The following ERI1 variants were observed in gnomAD, a reference collection of about 807,000 sequenced individuals.
The protein encoded by ERI1 is exoribonuclease 1, also known as 3'-5' exoribonuclease 1.
In ERI1, 39 loss-of-function variants were observed where a neutral mutation model predicts 39.7. The ratio of observed to expected loss-of-function variants is 0.98; its 90% CI spans 0.76 to 1.28. The LOEUF is 1.28. ERI1 is among the 50% of genes most tolerant of loss of function. The probability of loss-of-function intolerance (pLI) is 0.00; values close to 1 mark genes in which losing one functional copy is unlikely to be tolerated. For synonymous variants in ERI1, 204 were observed against 149.6 expected, an observed-to-expected ratio of 1.36 and a Z score of -2.65; for missense variants, 581 against 416.9, an observed-to-expected ratio of 1.39 and a Z score of -3.43.
intron 3 of ERI1, among the ~76,000 whole-genome samples, chr8:9,079,313 G>C (rs536043267): frequency 6.6e-6 from 1 of 152,312 alleles, no homozygotes; most frequent in East Asian, 1.9e-4. Flanking sequence ...AGAGCTTTGA[G>C]TTCCTGTGAG....
At chr8:9,018,071 G>A (rs1037680106) in intron 4 of ERI1, among the ~76,000 whole-genome samples, 1 of 152,134 alleles carries the variant, frequency 6.6e-6, no homozygotes, top group African/African-American at 2.4e-5. Flanking sequence ...CTTAATTTTG[G>A]GAGGATTATA....
intron 3 of ERI1, among the ~76,000 whole-genome samples, chr8:9,090,129 T>A: frequency 6.6e-6 from 1 of 151,990 alleles, no homozygotes; most frequent in East Asian, 1.9e-4. Context: ...GTAATGAAAA[T>A]CCCACCTTCT....
At chr8:9,081,958 T>G (rs1799386332) in intron 3 of ERI1, among the ~76,000 whole-genome samples, 1 of 152,170 alleles carries the variant, frequency 6.6e-6, no homozygotes, top group African/African-American at 2.4e-5. Flanking sequence ...CAAAAGTTGT[T>G]CTCTCTGTAT....
At chr8:9,061,597 G>A (rs998682646) in intron 3 of ERI1, among the ~76,000 whole-genome samples, 10 of 152,228 alleles carry the variant, frequency 6.6e-5, no homozygotes, top group African/African-American at 2.4e-4. Flanking sequence ...ACACAGTGCT[G>A]TCCCAGCTCT....
chr8:9,046,446 C>T (rs1168170349), intron 3 of ERI1, among the ~76,000 whole-genome samples: 1 of 152,234 alleles, frequency 6.6e-6, no homozygotes, highest in Non-Finnish European at 1.5e-5. Flanking sequence ...ACACTCCTCT[C>T]CTTGCTTCCA....
intron 1 of ERI1, among the ~76,000 whole-genome samples, chr8:9,005,009 C>A (rs1250663335): frequency 6.6e-6 from 1 of 152,108 alleles, no homozygotes; most frequent in Non-Finnish European, 1.5e-5. Context: ...GTTTTTCAAT[C>A]TGGGCCAAAG....
chr8:9,086,826 C>G (rs568026388), intron 3 of ERI1, among the ~76,000 whole-genome samples: 1 of 152,174 alleles, frequency 6.6e-6, no homozygotes, highest in Non-Finnish European at 1.5e-5. Context: ...ATACTGTTGA[C>G]TGAGCAAGAG....
intron 6 of ERI1, among the ~76,000 whole-genome samples, chr8:9,025,229 C>G (rs1334738927): frequency 6.6e-6 from 1 of 152,174 alleles, no homozygotes. Context: ...ATGTGGCACT[C>G]AGACTTGAGA....
chr8:9,011,636 G>T lies in ERI1; in HGVS notation c.382G>T (p.Asp128Tyr). ...GAGCAATTTTGCTGACAGTTATTAT[G>T]ACTACATTTGTATTATTGACTTTGA... ...KESNFADSYY[D>Y]YICIIDFEAT... Residue 128 changes from aspartate to tyrosine, a missense_variant, in exon 3 of 7, where the codon GAC (aspartate) becomes TAC (tyrosine). Physicochemically the swap from Asp to Tyr is radical, Grantham distance 160 (BLOSUM62 -3). Transcript: ENST00000250263. 1 of 1,613,528 alleles carries T rather than the reference G, an allele frequency of 6.2e-7. No homozygotes were observed. The highest frequency in any genetic ancestry group is 2.2e-5 in the East Asian group (1 of 44,846).
intron 3 of ERI1, among the ~76,000 whole-genome samples, chr8:9,059,454 G>C (rs949717141): frequency 6.6e-6 from 1 of 152,138 alleles, no homozygotes; most frequent in African/African-American, 2.4e-5. Flanking sequence ...GGGGCAGCGT[G>C]GGAATCTAGA....
intron 3 of ERI1, among the ~76,000 whole-genome samples, chr8:9,073,629 T>C (rs917069158): frequency 2.6e-5 from 4 of 152,176 alleles, no homozygotes; most frequent in Non-Finnish European, 5.9e-5. Flanking sequence ...GGGAGAAAAA[T>C]AATTTTAAAA....
At chr8:9,022,382 G>C (rs1022450241) in intron 6 of ERI1, among the ~76,000 whole-genome samples, 1 of 151,958 alleles carries the variant, frequency 6.6e-6, no homozygotes, top group African/African-American at 2.4e-5. Flanking sequence ...TAATCTTTTT[G>C]TGTGAATTTA....
Position 9,084,514 on chromosome 8 carries a change from G to C in ERI1, n.300-31834G>C, listed in dbSNP as rs892828873. On this transcript the variant is annotated intron_variant and non_coding_transcript_variant, in intron 3 of 3. Transcript: ENST00000518663. ...CAAATCCCCAAATTTGCATTTTCCA[G>C]CCTCCCTTAACTCCACAGCTCAGAC... Among the ~76,000 whole-genome samples, 45 of 152,070 alleles carry C rather than the reference G, an allele frequency of 3.0e-4. 1 individual carries two copies. Among genetic ancestry groups the C allele is most frequent in the Admixed American group, 8.5e-4 (13 of 15,248 alleles).
intron 3 of ERI1, among the ~76,000 whole-genome samples, chr8:9,068,247 C>G (rs886557082): frequency 2.6e-5 from 4 of 152,202 alleles, no homozygotes; most frequent in Non-Finnish European, 5.9e-5. Context: ...AAATCTCGCC[C>G]AACACCTTCC....
At chr8:9,096,717 T>C (rs1799887860) in intron 3 of ERI1, 1 of 76,712 alleles carries the variant, frequency 1.3e-5, no homozygotes, top group Non-Finnish European at 2.9e-5. Context: ...TCTTTTTTTT[T>C]TTTTTTTTTT....
chr8:9,017,268 C>T (rs1376405136), intron 4 of ERI1, among the ~76,000 whole-genome samples: 2 of 152,020 alleles, frequency 1.3e-5, no homozygotes, highest in Non-Finnish European at 2.9e-5. Context: ...TCTTGAAGAA[C>T]TCCTGACGTC....
chr8:9,004,805 A>G (rs1292356385), intron 1 of ERI1, among the ~76,000 whole-genome samples: 1 of 150,036 alleles, frequency 6.7e-6, no homozygotes, highest in African/African-American at 2.5e-5. Context: ...CTCGTGCCTC[A>G]GCCTCCCTAG....
chr8:9,055,345 A>C (rs1389027096), intron 3 of ERI1, among the ~76,000 whole-genome samples: 7 of 152,250 alleles, frequency 4.6e-5, no homozygotes, highest in African/African-American at 1.4e-4. Context: ...GGTCAAACTT[A>C]AAATATGTAA....
At chr8:9,083,241 T>C (rs2117455951) in intron 3 of ERI1, among the ~76,000 whole-genome samples, 1 of 152,286 alleles carries the variant, frequency 6.6e-6, no homozygotes, top group Admixed American at 6.5e-5. Flanking sequence ...CTACTTTCAG[T>C]GAAAAATATT....
Sources: allele counts gnomAD v4.1 joint callset (sites outside exome capture counted in the v4.1 genomes callset), GRCh38; gene constraint gnomAD v4.1.1; transcripts MANE v1.5; gene names NCBI Gene and HGNC (gene_info 2026-07-23, HGNC 2026-07-21).